FRMD1: variants seen among roughly 807,000 people sequenced by gnomAD.
The protein encoded by FRMD1 is FERM domain-containing protein 1.
Under a neutral mutation model 54.9 loss-of-function variants are expected in FRMD1, and 51 were observed. The observed-to-expected ratio is 0.93, with a 90% CI of 0.74 to 1.17. The LOEUF (loss-of-function observed/expected upper bound fraction) is 1.17, where lower values mean the gene tolerates loss of function less well. Ranked by LOEUF, FRMD1 falls within the 50% of genes most tolerant of loss-of-function variation. FRMD1 has a pLI of 0.00. For synonymous variants in FRMD1, 324 were observed against 306.4 expected, an observed-to-expected ratio of 1.06 and a Z score of -0.60; for missense variants, 729 against 743.0, an observed-to-expected ratio of 0.98 and a Z score of 0.22.
intron 2 of FRMD1, among the ~76,000 whole-genome samples, chr6:168,068,490 C>T (rs1800152220): frequency 6.6e-6 from 1 of 152,178 alleles, no homozygotes; most frequent in Non-Finnish European, 1.5e-5. Flanking sequence ...CTCATGTACA[C>T]TTTACATCAT....
chr6:168,081,235 C>G, upstream of FRMD1: 2 of 1,013,462 alleles, frequency 2.0e-6, no homozygotes, highest in Non-Finnish European at 2.7e-6. Flanking sequence ...GAGTACCTCC[C>G]GCCAGGGCAC....
intron 2 of FRMD1, among the ~76,000 whole-genome samples, chr6:168,071,736 G>A (rs1583193775): frequency 6.6e-6 from 1 of 152,256 alleles, no homozygotes; most frequent in East Asian, 1.9e-4. Flanking sequence ...TCCCTCCGCA[G>A]GGTAAAGACA....
chr6:168,059,285 G>A lies in FRMD1; in HGVS notation c.1343-97C>T, dbSNP rs574950112. ...CCTGCACTTCTGGGGCCCTGGTCTC[G>A]GACCGGCATCTCCTGAGGCTCACAC... On this transcript the variant is annotated intron_variant, in intron 9 of 10. Transcript: ENST00000283309. This position sits in a 1 kb window ranked among gnomAD's most constrained non-coding sequence, Gnocchi z 4.4. 320 of 1,029,114 alleles carry A rather than the reference G, an allele frequency of 3.1e-4. 1 individual carries two copies. The African/African-American group carries it at 4.4e-3, about 14-fold the overall frequency. 63.7% of individuals were successfully genotyped at this position (1,029,114 alleles called of 1,614,324 possible).
At chr6:168,058,545 G>A (rs370505387) in intron 10 of FRMD1, among the ~76,000 whole-genome samples, 1 of 151,888 alleles carries the variant, frequency 6.6e-6, no homozygotes, top group Non-Finnish European at 1.5e-5. Flanking sequence ...CCCTCCTGTG[G>A]TGGAGCCGGG....
chr6:168,058,765 C>T lies in FRMD1; in HGVS notation c.1407+359G>A, dbSNP rs548607810. Among the ~76,000 whole-genome samples the T allele has an allele frequency of 2.6e-5, 4 of 152,270 alleles. No individual in the cohort carries two copies. In the South Asian group the frequency reaches 6.2e-4, roughly 24 times the overall value. ...CTAGGCCCCGGGTGGAGGAGGTGGA[C>T]GAAGGGGACGGGGCAGCCAGTCTGC... On this transcript the variant is annotated intron_variant, in intron 10 of 10. Coordinates refer to ENST00000283309, the MANE Select transcript of FRMD1 (RefSeq NM_024919.6).
chr6:168,073,821 G>A (rs1301276278), intron 2 of FRMD1, among the ~76,000 whole-genome samples: 1 of 152,056 alleles, frequency 6.6e-6, no homozygotes, highest in Non-Finnish European at 1.5e-5. Flanking sequence ...TGTGGGTTCC[G>A]GTGTCCCGTG....
In FRMD1 at chr6:168,064,982, C is replaced by A; in HGVS notation, c.537G>T (p.Glu179Asp). Residue 179 changes from glutamate to aspartate, a missense_variant, in exon 5 of 11, where the codon GAG becomes GAT. Physicochemically the swap from Glu to Asp is conservative, Grantham distance 45. Coordinates refer to ENST00000283309, the MANE Select transcript of FRMD1 (RefSeq NM_024919.6). ...AGGCAGCCAGCAGGAAGTAGGCTTC[C>A]TCCCGGTGAGCGCACTGTGACCTCA... ...RVLRSQCAHREEAYFLLAACA... is the reference protein window; with the variant it reads ...RVLRSQCAHRDEAYFLLAACA... 2 of 1,612,022 alleles carry A rather than the reference C, an allele frequency of 1.2e-6. No individual in the cohort carries two copies. The highest frequency in any genetic ancestry group is 1.7e-6 in the Non-Finnish European group (2 of 1,179,904).
intron 1 of FRMD1, among the ~76,000 whole-genome samples, chr6:168,077,732 G>A (rs942900955): frequency 3.9e-5 from 6 of 152,218 alleles, no homozygotes; most frequent in East Asian, 3.8e-4. Flanking sequence ...AAATCTTACC[G>A]TGAAGTTCCG....
chr6:168,066,622 T>C (rs761259500), intron 4 of FRMD1, 133 bp downstream of exon 4: 114 of 1,436,364 alleles, frequency 7.9e-5, no homozygotes, highest in Non-Finnish European at 1.0e-4. Context: ...ACAGCCGATA[T>C]AGTGGGGTTG....
rs1352535520 is a variant in FRMD1, at chr6:168,079,096, C to G, written c.-2G>C. On this transcript the variant is annotated 5_prime_UTR_variant, in exon 1 of 11. Coordinates refer to ENST00000283309, the MANE Select transcript of FRMD1 (RefSeq NM_024919.6). ...CCTCCCTCTCGGGGGCACCGCCATG[C>G]TGTCGTTACTCGGCCCTCCCCCGCC... 1.3e-6 allele frequency: 2 copies of G among 1,596,736 alleles called. No individual in the cohort carries two copies. Among genetic ancestry groups the G allele is most frequent in the Non-Finnish European group, 1.7e-6 (2 of 1,175,374 alleles).
Position 168,053,215 on chromosome 6 carries a change from G to C in FRMD1, c.*3882C>G, listed in dbSNP as rs1178882155. On this transcript the variant is annotated 3_prime_UTR_variant, in exon 11 of 11. Coordinates refer to ENST00000283309, the MANE Select transcript of FRMD1 (RefSeq NM_024919.6). ...GTAGAATACCAGCTTTCTCCCGGCA[G>C]GGCTGCCCCGGATTTGTTTTCTAAC... The C allele has an allele frequency of 6.6e-6, 1 of 152,192 alleles. No individual in the cohort carries two copies. The highest frequency in any genetic ancestry group is 1.5e-5 in the Non-Finnish European group (1 of 68,062). The allele number at this position is 152,192 out of a possible 1,614,324, so 9.4% of individuals were successfully genotyped here.
At chr6:168,082,106 C>T (rs774526539), upstream of FRMD1, among the ~76,000 whole-genome samples, 79 of 152,122 alleles carry the variant, frequency 5.2e-4, no homozygotes, top group Non-Finnish European at 2.1e-4. Context: ...TGCTTGCACA[C>T]GTATGTTCAC....
chr6:168,069,468 G>A (rs772535874), intron 2 of FRMD1, among the ~76,000 whole-genome samples: 3 of 152,206 alleles, frequency 2.0e-5, no homozygotes, highest in Admixed American at 6.5e-5. Context: ...TGACTCCCCC[G>A]AATTCACTAT....
rs1800758476 is a variant in FRMD1, at chr6:168,079,207, G to A, written c.-113C>T. ...CCTTGCCGAGCTTCTCACTGGGAAG[G>A]GAATTGAGAGGGAAGCCTGGGCTGG... is the stretch of plus-strand genomic sequence containing the variant. On this transcript the variant is annotated 5_prime_UTR_variant, in exon 1 of 11. Transcript: ENST00000283309. 1.4e-6 allele frequency: 2 copies of A among 1,425,788 alleles called. No individual in the cohort carries two copies. Among genetic ancestry groups the A allele is most frequent in the African/African-American group, 1.4e-5 (1 of 69,664 alleles). The allele number at this position is 1,425,788 out of a possible 1,614,324, so 88.3% of individuals were successfully genotyped here.
At chr6:168,066,956 G>T in intron 3 of FRMD1, 125 bp from the exon 4 acceptor site, 1 of 1,193,154 alleles carries the variant, frequency 8.4e-7, no homozygotes, top group Non-Finnish European at 1.2e-6. Context: ...TCAGGTGTCT[G>T]CAGCCATAGC....
intron 5 of FRMD1, among the ~76,000 whole-genome samples, chr6:168,064,520 G>C (rs150668155): frequency 6.6e-6 from 1 of 152,198 alleles, no homozygotes; most frequent in Non-Finnish European, 1.5e-5. Context: ...GAAGCAGGAA[G>C]GTTCACAGCC....
chr6:168,088,914 G>A (rs1800968907), intron 1 of FRMD1, among the ~76,000 whole-genome samples: 1 of 152,248 alleles, frequency 6.6e-6, no homozygotes, highest in Non-Finnish European at 1.5e-5. Flanking sequence ...CGGCCTGCCT[G>A]TCAACCTCCC....
chr6:168,059,801 C>CAAA lies in FRMD1; in HGVS notation c.1343-614_1343-613insTTT, dbSNP rs1799620569. Among the ~76,000 whole-genome samples the CAAA allele has an allele frequency of 2.0e-5, 3 of 151,880 alleles. No individual in the cohort carries two copies. In the South Asian group the frequency reaches 6.3e-4, roughly 32 times the overall value. On this transcript the variant is annotated intron_variant, in intron 9 of 10. Transcript: ENST00000283309. The surrounding 1 kb of genome is among the most constrained non-coding windows in gnomAD (Gnocchi z 4.4). ...AGGGTGCTGCATCCTGGGCCAGGTGCACACACAGTCCTACACACAGGGAAT... is the reference window on the plus strand; with the variant it reads ...AGGGTGCTGCATCCTGGGCCAGGTGCAAAACACACAGTCCTACACACAGGGAAT...
At chr6:168,058,442 CTCCA>C (rs1046659114) in intron 10 of FRMD1, among the ~76,000 whole-genome samples, 17 of 152,284 alleles carry the variant, frequency 1.1e-4, no homozygotes, top group African/African-American at 4.1e-4. Flanking sequence ...CCTCTTCTCT[CTCCA>C]TCCAGCATCA....
Sources: allele counts gnomAD v4.1 joint callset (sites outside exome capture counted in the v4.1 genomes callset), GRCh38; gene constraint gnomAD v4.1.1; non-coding constraint Gnocchi (gnomAD v3.1); transcripts MANE v1.5; gene names NCBI Gene and HGNC (gene_info 2026-07-23, HGNC 2026-07-21).